Variants in ZBTB7C observed in about 807,000 individuals in gnomAD.
ZBTB7C encodes the protein zinc finger and BTB domain-containing protein 7C.
A neutral mutation model predicts 25.7 loss-of-function variants in ZBTB7C; 8 were observed. The observed-to-expected ratio is 0.31, with a 90% CI of 0.18 to 0.56. ZBTB7C has a LOEUF of 0.56. Ranked by LOEUF, ZBTB7C falls within the 20% of genes least tolerant of loss-of-function variation. The pLI is 0.91. For synonymous variants in ZBTB7C, 394 were observed against 369.0 expected (o/e 1.07, Z -0.78); for missense variants, 824 against 855.2 (o/e 0.96, Z 0.46).
At chr18:48,380,434 A>G (rs1432555065) in intron 1 of ZBTB7C, among the ~76,000 whole-genome samples, 1 of 152,218 alleles carries the variant, frequency 6.6e-6, no homozygotes, top group African/African-American at 2.4e-5. Flanking sequence ...CCATGAGATG[A>G]TGGATTAGTC....
intron 2 of ZBTB7C, among the ~76,000 whole-genome samples, chr18:48,247,557 A>G (rs1216365438): frequency 3.3e-5 from 5 of 152,114 alleles, no homozygotes; most frequent in Admixed American, 6.5e-5. Context: ...GCCCCATACC[A>G]TCTGGTAACA....
chr18:48,114,640 G>T (rs527946954), intron 3 of ZBTB7C, among the ~76,000 whole-genome samples: 1 of 152,112 alleles, frequency 6.6e-6, no homozygotes, highest in Admixed American at 6.5e-5. Context: ...AAGAAAATGT[G>T]CAAAGAAAGA....
chr18:48,255,563 A>C (rs2043997110), intron 2 of ZBTB7C, among the ~76,000 whole-genome samples: 1 of 152,184 alleles, frequency 6.6e-6, no homozygotes, highest in South Asian at 2.1e-4. Context: ...TAATAGTCAA[A>C]TCTCTAAATA....
At chr18:48,378,375 A>G (rs933583661) in intron 1 of ZBTB7C, among the ~76,000 whole-genome samples, 2 of 152,202 alleles carry the variant, frequency 1.3e-5, no homozygotes, top group African/African-American at 4.8e-5. Context: ...TCCAGTCTTC[A>G]TCCACTAGGC....
chr18:48,086,490 C>T (rs59223825), intron 3 of ZBTB7C, among the ~76,000 whole-genome samples: 23,934 of 152,090 alleles, frequency 0.16, 2,688 homozygotes, highest in African/African-American at 0.32. Flanking sequence ...CCTAACACCC[C>T]GTGTATGGTC....
At chr18:48,337,294 C>T (rs901826360) in intron 2 of ZBTB7C, among the ~76,000 whole-genome samples, 4 of 152,216 alleles carry the variant, frequency 2.6e-5, no homozygotes, top group South Asian at 4.1e-4. Flanking sequence ...CTATTTTTGC[C>T]TCCACCCCAG....
At chr18:48,051,029 A>T (rs2036664743) in intron 3 of ZBTB7C, among the ~76,000 whole-genome samples, 1 of 95,322 alleles carries the variant, frequency 1.0e-5, no homozygotes, top group Non-Finnish European at 1.9e-5. Flanking sequence ...GAGGTCCCAA[A>T]CCTCCTGCTG....
At chr18:48,108,973 G>T (rs190176693) in intron 3 of ZBTB7C, among the ~76,000 whole-genome samples, 1 of 152,248 alleles carries the variant, frequency 6.6e-6, no homozygotes, top group East Asian at 1.9e-4. Flanking sequence ...GGGTAAGGAA[G>T]GGGGGCTCTG....
intron 1 of ZBTB7C, among the ~76,000 whole-genome samples, chr18:48,350,368 G>T (rs1387811422): frequency 6.6e-6 from 1 of 152,166 alleles, no homozygotes; most frequent in Admixed American, 6.5e-5. Context: ...CTCTCTGAAG[G>T]TTCTTCCGTA....
intron 2 of ZBTB7C, among the ~76,000 whole-genome samples, chr18:48,232,924 G>A (rs1465716592): frequency 6.6e-6 from 1 of 152,180 alleles, no homozygotes; most frequent in Non-Finnish European, 1.5e-5. Context: ...GAGTGTTGGA[G>A]GTGAAGGCTA....
rs546060130 is a variant in ZBTB7C, at chr18:48,301,822, A to G, written c.-79+36352T>C. 4.2e-3 allele frequency among the ~76,000 whole-genome samples: 643 copies of G among 152,298 alleles called. 3 individuals carry two copies. The highest frequency in any genetic ancestry group is 0.014 in the African/African-American group (595 of 41,564). On this transcript the variant is annotated intron_variant, in intron 2 of 4. Coordinates refer to ENST00000590800, the MANE Select transcript of ZBTB7C (RefSeq NM_001318841.2). Reference sequence around the variant, plus strand: ...GTCTTGAAGGAACTGGGGATGAAGCAGCAAGCAGAGGTTCTCACCATAGCT... The same window carrying G: ...GTCTTGAAGGAACTGGGGATGAAGCGGCAAGCAGAGGTTCTCACCATAGCT...
At chr18:48,197,371 AAAAT>A (rs1439438284) in intron 2 of ZBTB7C, among the ~76,000 whole-genome samples, 1 of 152,262 alleles carries the variant, frequency 6.6e-6, no homozygotes, top group Non-Finnish European at 1.5e-5. Flanking sequence ...TACAAAATCA[AAAAT>A]AATAAAAGCT....
chr18:48,110,349 C>T (rs943827702), intron 3 of ZBTB7C, among the ~76,000 whole-genome samples: 2 of 152,124 alleles, frequency 1.3e-5, no homozygotes, highest in African/African-American at 2.4e-5. Context: ...TTCAAAGAGC[C>T]GCACTCTAAA....
chr18:48,132,395 T>G (rs941678480), intron 3 of ZBTB7C, among the ~76,000 whole-genome samples: 2 of 152,266 alleles, frequency 1.3e-5, no homozygotes, highest in South Asian at 4.1e-4. Flanking sequence ...AAAGGTAGAT[T>G]ATTGGTAACC....
At chr18:48,095,979 C>T (rs1005314710) in intron 3 of ZBTB7C, among the ~76,000 whole-genome samples, 33 of 152,150 alleles carry the variant, frequency 2.2e-4, no homozygotes, top group African/African-American at 4.3e-4. Flanking sequence ...CAGGCAGTGA[C>T]GGCTGTCACC....
At chr18:48,381,877 T>C (rs983890178) in intron 1 of ZBTB7C, among the ~76,000 whole-genome samples, 6 of 152,184 alleles carry the variant, frequency 3.9e-5, no homozygotes, top group African/African-American at 9.6e-5. Context: ...CAATGGCTTT[T>C]AAGCTTCTGA....
chr18:48,193,047 G>C (rs1413868080), intron 2 of ZBTB7C, among the ~76,000 whole-genome samples: 1 of 152,160 alleles, frequency 6.6e-6, no homozygotes, highest in Non-Finnish European at 1.5e-5. Context: ...GGACTCCCAG[G>C]CCCCACGCTG....
At chr18:48,109,444 C>T (rs1252033815) in intron 3 of ZBTB7C, among the ~76,000 whole-genome samples, 1 of 152,086 alleles carries the variant, frequency 6.6e-6, no homozygotes. Flanking sequence ...CTGCCCTTTC[C>T]CTTTCAGATC....
At chr18:48,357,416 A>C (rs2047000137) in intron 1 of ZBTB7C, among the ~76,000 whole-genome samples, 2 of 152,206 alleles carry the variant, frequency 1.3e-5, no homozygotes, top group South Asian at 4.1e-4. Flanking sequence ...CCCTCCCAGG[A>C]GCCCTTCCCT....
Sources: allele counts gnomAD v4.1 joint callset (sites outside exome capture counted in the v4.1 genomes callset), GRCh38; gene constraint gnomAD v4.1.1; transcripts MANE v1.5; gene names NCBI Gene and HGNC (gene_info 2026-07-23, HGNC 2026-07-21).